SLC25A48: variants seen among roughly 807,000 people sequenced by gnomAD.
The protein encoded by SLC25A48 is CTC-321K16.1.
SLC25A48 carries 29 observed loss-of-function variants against 32.2 expected under a neutral mutation model. That is an observed-to-expected ratio of 0.90 (90% CI 0.67 to 1.23). The LOEUF is 1.23. SLC25A48 is among the 50% of genes most tolerant of loss of function. The pLI is 0.00. For synonymous variants in SLC25A48, 164 were observed against 172.3 expected (o/e 0.95, Z 0.38); for missense variants, 399 against 422.7 (o/e 0.94, Z 0.49).
chr5:135,585,921 CTTATCT>C (rs1298986987), intron 1 of SLC25A48, among the ~76,000 whole-genome samples: 2 of 152,156 alleles, frequency 1.3e-5, no homozygotes, highest in African/African-American at 2.4e-5. Context: ...ACTCACTCCC[CTTATCT>C]GTGGGTTGGC....
chr5:135,757,727 G>A (rs577233757), intron 3 of SLC25A48, among the ~76,000 whole-genome samples: 39 of 149,712 alleles, frequency 2.6e-4, no homozygotes, highest in African/African-American at 7.8e-4. Flanking sequence ...ATACTGTCTA[G>A]TGTTAATTCA....
At chr5:135,599,933 A>G (rs1452684322) in intron 1 of SLC25A48, among the ~76,000 whole-genome samples, 2 of 152,110 alleles carry the variant, frequency 1.3e-5, no homozygotes, top group African/African-American at 4.8e-5. Context: ...TGACCTTGGG[A>G]AGAGGAGTCT....
At chr5:135,810,865 C>G (rs897397345) in intron 3 of SLC25A48, among the ~76,000 whole-genome samples, 1 of 152,204 alleles carries the variant, frequency 6.6e-6, no homozygotes, top group Non-Finnish European at 1.5e-5. Flanking sequence ...CGCAAGGGTT[C>G]TCTGGCTGCA....
At chr5:135,759,046 T>G (rs958062397) in intron 3 of SLC25A48, among the ~76,000 whole-genome samples, 2 of 151,828 alleles carry the variant, frequency 1.3e-5, no homozygotes, top group African/African-American at 4.8e-5. Flanking sequence ...CACTATAATA[T>G]TAATAGAATA....
intron 3 of SLC25A48, among the ~76,000 whole-genome samples, chr5:135,636,853 A>G (rs1629285): frequency 0.31 from 47,762 of 152,182 alleles, 7,947 homozygotes; most frequent in East Asian, 0.63. Context: ...TGATAGCCAA[A>G]CCAAGCCACG....
At chr5:135,815,883 G>A (rs1346126460) in intron 4 of SLC25A48, among the ~76,000 whole-genome samples, 2 of 152,114 alleles carry the variant, frequency 1.3e-5, no homozygotes, top group Non-Finnish European at 2.9e-5. Flanking sequence ...CCAAGCAAAA[G>A]TATCTGAAAA....
At chr5:135,874,746 C>A in intron 6 of SLC25A48, 1 of 698,678 alleles carries the variant, frequency 1.4e-6, no homozygotes, top group African/African-American at 1.7e-5. Context: ...CACACCCCTT[C>A]CCACCACCTG....
chr5:135,783,111 A>G (rs531960975), intron 3 of SLC25A48, among the ~76,000 whole-genome samples: 2 of 118,426 alleles, frequency 1.7e-5, no homozygotes, highest in East Asian at 4.3e-4. Flanking sequence ...CCCCCATATA[A>G]TATTGTTTCT....
intron 3 of SLC25A48, among the ~76,000 whole-genome samples, chr5:135,704,645 T>C (rs1484519760): frequency 6.6e-6 from 1 of 152,230 alleles, no homozygotes; most frequent in Non-Finnish European, 1.5e-5. Flanking sequence ...ATGTGTGATC[T>C]CATTTAATCT....
At chr5:135,641,549 TAGTC>T (rs1315740450) in intron 3 of SLC25A48, among the ~76,000 whole-genome samples, 3 of 152,190 alleles carry the variant, frequency 2.0e-5, no homozygotes, top group Non-Finnish European at 2.9e-5. Flanking sequence ...CTTGCTTACA[TAGTC>T]AGTTCTTATT....
intron 3 of SLC25A48, among the ~76,000 whole-genome samples, chr5:135,702,634 C>T (rs1040582033): frequency 6.6e-6 from 1 of 152,242 alleles, no homozygotes; most frequent in Non-Finnish European, 1.5e-5. Context: ...CCATTTTATT[C>T]TTACAGTCAG....
intron 1 of SLC25A48, among the ~76,000 whole-genome samples, chr5:135,599,582 C>T (rs997812149): frequency 2.0e-5 from 3 of 152,172 alleles, no homozygotes; most frequent in South Asian, 2.1e-4. Flanking sequence ...CTGGGGAAAC[C>T]GAGGCTGGGA....
At chr5:135,733,853 T>A (rs565898847) in intron 3 of SLC25A48, among the ~76,000 whole-genome samples, 7 of 152,094 alleles carry the variant, frequency 4.6e-5, no homozygotes, top group African/African-American at 1.7e-4. Flanking sequence ...GTCAGCTAGG[T>A]TTATCTAGGA....
intron 1 of SLC25A48, among the ~76,000 whole-genome samples, chr5:135,580,366 G>C (rs887464376): frequency 6.6e-6 from 1 of 152,190 alleles, no homozygotes; most frequent in Non-Finnish European, 1.5e-5. Context: ...CCCTGGGCTT[G>C]GCTGTCAGGA....
intron 3 of SLC25A48, among the ~76,000 whole-genome samples, chr5:135,657,420 T>C (rs1753279366): frequency 6.6e-6 from 1 of 152,230 alleles, no homozygotes; most frequent in African/African-American, 2.4e-5. Flanking sequence ...TGCAAACTCT[T>C]GCATATTTTT....
chr5:135,835,304 G>C (rs897870334), intron 1 of SLC25A48, among the ~76,000 whole-genome samples: 2 of 152,190 alleles, frequency 1.3e-5, no homozygotes, highest in Non-Finnish European at 2.9e-5. Context: ...CCGGGGCGCA[G>C]GGTGGTGGGA....
chr5:135,789,897 G>A (rs1028200757), intron 3 of SLC25A48, among the ~76,000 whole-genome samples: 6 of 151,912 alleles, frequency 3.9e-5, no homozygotes, highest in Non-Finnish European at 7.4e-5. Flanking sequence ...GAGACATTAG[G>A]AGTAAGATCT....
intron 3 of SLC25A48, among the ~76,000 whole-genome samples, chr5:135,691,797 G>C (rs1187107179): frequency 6.6e-6 from 1 of 152,164 alleles, no homozygotes; most frequent in Non-Finnish European, 1.5e-5. Flanking sequence ...GTTGTGTAAG[G>C]CTTAAGTGAG....
chr5:135,742,702 C>A, intron 3 of SLC25A48: 1 of 425,422 alleles, frequency 2.4e-6, no homozygotes. Flanking sequence ...TTAAAAGTAT[C>A]CTCTGAAATA....
Sources: allele counts gnomAD v4.1 joint callset (sites outside exome capture counted in the v4.1 genomes callset), GRCh38; gene constraint gnomAD v4.1.1; transcripts MANE v1.5; gene names NCBI Gene and HGNC (gene_info 2026-07-23, HGNC 2026-07-21).